SHC4: variants seen among roughly 807,000 people sequenced by gnomAD.
SHC4 encodes SHC-transforming protein 4.
A neutral mutation model predicts 69.4 loss-of-function variants in SHC4; 41 were observed. That is an observed-to-expected ratio of 0.59 (90% CI 0.46 to 0.77). The LOEUF (loss-of-function observed/expected upper bound fraction) is 0.77. Among genes scored for constraint, SHC4 ranks in the 30% least tolerant of loss-of-function variants. The pLI is 0.00. For synonymous variants in SHC4, 318 were observed against 299.3 expected (o/e 1.06, Z -0.64); for missense variants, 777 against 783.8 (o/e 0.99, Z 0.10).
At chr15:48,952,213 A>G (rs145130387) in intron 1 of SHC4, among the ~76,000 whole-genome samples, 32 of 152,352 alleles carry the variant, frequency 2.1e-4, no homozygotes, top group African/African-American at 6.7e-4. Flanking sequence ...TAAATGATTC[A>G]TATATAATAA....
At chr15:48,917,544 C>T (rs1757503161) in intron 2 of SHC4, among the ~76,000 whole-genome samples, 1 of 151,998 alleles carries the variant, frequency 6.6e-6, no homozygotes, top group Admixed American at 6.6e-5. Context: ...TAAAAACCTC[C>T]TCTTTTGCCC....
intron 2 of SHC4, among the ~76,000 whole-genome samples, chr15:48,919,264 C>T (rs1401270029): frequency 2.4e-5 from 3 of 125,582 alleles, no homozygotes; most frequent in Non-Finnish European, 5.4e-5. Context: ...AGAAGATGCA[C>T]ACCCTCTCAC....
chr15:48,864,540 C>CG (rs1215579401), intron 6 of SHC4, among the ~76,000 whole-genome samples: 1 of 147,058 alleles, frequency 6.8e-6, no homozygotes, highest in African/African-American at 2.5e-5. Flanking sequence ...CTCCGCCTCC[C>CG]GGGTTCACAC....
chr15:48,942,983 T>C lies in SHC4; in HGVS notation c.586-18034A>G, dbSNP rs140503354. ...ATAATACCTAAAGAGGGTCTGCTGA[T>C]AGCATCACTTCCTTTAACATTCTTC... On this transcript the variant is annotated intron_variant, in intron 1 of 11. Transcript: ENST00000332408. 1.7e-4 allele frequency among the ~76,000 whole-genome samples: 26 copies of C among 152,348 alleles called. No individual in the cohort carries two copies. The East Asian group carries it at 4.4e-3, about 26-fold the overall frequency.
intron 6 of SHC4, among the ~76,000 whole-genome samples, chr15:48,864,432 CTTTCTTTTTTTTTTTTTTTTT>C (rs1374820465): frequency 2.1e-4 from 29 of 136,224 alleles, no homozygotes; most frequent in African/African-American, 8.2e-4. Flanking sequence ...ACCAATACCA[CTTTCTTTTTTTTTTTTTTTTT>C]TTTTTTTTTT....
At chr15:48,932,429 A>T (rs1053589568) in intron 1 of SHC4, among the ~76,000 whole-genome samples, 2 of 152,162 alleles carry the variant, frequency 1.3e-5, no homozygotes, top group African/African-American at 4.8e-5. Flanking sequence ...TCAGGAAAAG[A>T]TCCAGCTTTC....
intron 1 of SHC4, among the ~76,000 whole-genome samples, chr15:48,926,981 C>T (rs1186363771): frequency 2.0e-5 from 3 of 152,112 alleles, no homozygotes; most frequent in African/African-American, 4.8e-5. Flanking sequence ...TAGTAAGAAA[C>T]ATTTTGGATA....
chr15:48,824,145 C>T lies in SHC4; in HGVS notation c.*1826G>A, dbSNP rs1898646706. The T allele has an allele frequency of 6.6e-6, 1 of 152,060 alleles. No individual in the cohort carries two copies. Among genetic ancestry groups the T allele is most frequent in the African/African-American group, 2.4e-5 (1 of 41,402 alleles). The allele number at this position is 152,060 out of a possible 1,614,324, so 9.4% of individuals were successfully genotyped here. ...CTTTTTAAGGACAAACGATCAAGAC[C>T]TAAGGTATATGGAAAACTGGTGAAA... On this transcript the variant is annotated 3_prime_UTR_variant, in exon 12 of 12. Transcript: ENST00000332408.
intron 1 of SHC4, chr15:48,938,198 A>G (rs971931328): frequency 6.6e-6 from 1 of 152,180 alleles, no homozygotes; most frequent in Non-Finnish European, 1.5e-5. Context: ...TCAGATTAAG[A>G]TGTTTTGTAA....
intron 2 of SHC4, among the ~76,000 whole-genome samples, chr15:48,917,291 GTC>G (rs1427914998): frequency 2.2e-5 from 3 of 134,620 alleles, no homozygotes; most frequent in South Asian, 2.4e-4. Context: ...GTGTGTGTGT[GTC>G]AGATTCCTGA....
intron 1 of SHC4, among the ~76,000 whole-genome samples, chr15:48,949,142 C>T (rs545761409): frequency 1.5e-3 from 224 of 152,168 alleles, no homozygotes; most frequent in African/African-American, 5.1e-3. Flanking sequence ...GAGGCTGAGG[C>T]GGGTGGATCA....
rs990426457 is a variant in SHC4, at chr15:48,825,870, T to C, written c.*101A>G. On this transcript the variant is annotated 3_prime_UTR_variant, in exon 12 of 12. Transcript: ENST00000332408. ...GGTCTTGGAAAGATGCACTTCACAG[T>C]TTGTGCTCTATTTTATCTACAAACA... is the stretch of plus-strand genomic sequence containing the variant. 3.6e-6 allele frequency: 5 copies of C among 1,405,454 alleles called. No homozygotes were observed. The highest frequency in any genetic ancestry group is 3.7e-4 in the Middle Eastern group (2 of 5,404). The allele number at this position is 1,405,454 out of a possible 1,614,324, so 87.1% of individuals were successfully genotyped here.
chr15:48,873,525 A>AT (rs2140994844), intron 4 of SHC4, among the ~76,000 whole-genome samples: 2 of 152,310 alleles, frequency 1.3e-5, no homozygotes, highest in East Asian at 3.9e-4. Flanking sequence ...CGGGCGGATC[A>AT]TGAGGTCAGG....
intron 1 of SHC4, among the ~76,000 whole-genome samples, chr15:48,953,661 T>C (rs947448674): frequency 3.3e-5 from 5 of 152,240 alleles, no homozygotes; most frequent in African/African-American, 1.2e-4. Context: ...TGTGATGTTA[T>C]GTTCCTATAT....
chr15:48,852,969 T>G (rs954648048), intron 8 of SHC4, among the ~76,000 whole-genome samples: 13 of 149,724 alleles, frequency 8.7e-5, no homozygotes, highest in Non-Finnish European at 1.9e-4. Flanking sequence ...AATAAAAAAA[T>G]TTAGAGGTGG....
At chr15:48,837,416 CAAAT>C (rs1898918923) in intron 10 of SHC4, among the ~76,000 whole-genome samples, 1 of 152,064 alleles carries the variant, frequency 6.6e-6, no homozygotes, top group African/African-American at 2.4e-5. Flanking sequence ...AAGAGAAAAA[CAAAT>C]AAAATTAATC....
chr15:48,945,987 C>T (rs2141036845), intron 1 of SHC4: 1 of 152,198 alleles, frequency 6.6e-6, no homozygotes, highest in Non-Finnish European at 1.5e-5. Flanking sequence ...AGCATATAAT[C>T]TTCATTATAC....
chr15:48,825,813 T>C lies in SHC4; in HGVS notation c.*158A>G, dbSNP rs1044607980. Reference sequence around the variant, plus strand: ...ATTTCTGAAGACTAATTTTTGTTAGTTCTTCATTTTATAGAGGACCTGGTC... The same window carrying C: ...ATTTCTGAAGACTAATTTTTGTTAGCTCTTCATTTTATAGAGGACCTGGTC... On this transcript the variant is annotated 3_prime_UTR_variant, in exon 12 of 12. Transcript: ENST00000332408. The C allele has an allele frequency of 9.6e-6, 8 of 834,068 alleles. No individual in the cohort carries two copies. Among genetic ancestry groups the C allele is most frequent in the African/African-American group, 1.7e-5 (1 of 57,804 alleles). The allele number at this position is 834,068 out of a possible 1,614,324, so 51.7% of individuals were successfully genotyped here. A position where few individuals can be genotyped will look rare whatever the true frequency, so the allele number is the denominator to read the frequency against.
intron 2 of SHC4, among the ~76,000 whole-genome samples, chr15:48,903,142 G>GC (rs1230543075): frequency 6.6e-6 from 1 of 152,104 alleles, no homozygotes; most frequent in African/African-American, 2.4e-5. Context: ...CTCAAAAACT[G>GC]CAACTCAATC....
Sources: allele counts gnomAD v4.1 joint callset (sites outside exome capture counted in the v4.1 genomes callset), GRCh38; gene constraint gnomAD v4.1.1; transcripts MANE v1.5; gene names NCBI Gene and HGNC (gene_info 2026-07-23, HGNC 2026-07-21).